The following GUCY1A2 variants were observed in gnomAD, a reference collection of about 807,000 sequenced individuals.
GUCY1A2 encodes the protein guanylate cyclase soluble subunit alpha-2.
In GUCY1A2, 27 loss-of-function variants were observed where a neutral mutation model predicts 63.5. That is an observed-to-expected ratio of 0.43 (90% CI 0.31 to 0.59). The LOEUF (loss-of-function observed/expected upper bound fraction) is 0.59, where lower values mean the gene tolerates loss of function less well. Ranked by LOEUF, GUCY1A2 falls within the 20% of genes least tolerant of loss-of-function variation. The probability of loss-of-function intolerance (pLI) is 0.11; values close to 1 mark genes in which losing one functional copy is unlikely to be tolerated. For synonymous variants in GUCY1A2, 364 were observed against 343.5 expected (o/e 1.06, Z -0.66); for missense variants, 768 against 913.3 (o/e 0.84, Z 2.05).
Position 106,683,073 on chromosome 11 carries a change from T to C in GUCY1A2, c.*4476A>G, listed in dbSNP as rs1862458432. 2 of 218,144 alleles carry C rather than the reference T, an allele frequency of 9.2e-6. No homozygotes were observed. Among genetic ancestry groups the C allele is most frequent in the Non-Finnish European group, 1.8e-5 (2 of 108,536 alleles). 13.5% of individuals were successfully genotyped at this position (218,144 alleles called of 1,614,324 possible). On this transcript the variant is annotated 3_prime_UTR_variant, in exon 8 of 8. Coordinates refer to ENST00000526355, the MANE Select transcript of GUCY1A2 (RefSeq NM_000855.3). ...CACATGAACACAATTTATGTGTATG[T>C]TAAACCAGCTGGTTGTGGTTTAGGA...
chr11:106,716,768 CAAAAAAAAAAAAAAAA>C (rs56999589), intron 6 of GUCY1A2, among the ~76,000 whole-genome samples: 1 of 55,300 alleles, frequency 1.8e-5, no homozygotes, highest in Admixed American at 2.7e-4. Flanking sequence ...GACTCCGTCT[CAAAAAAAAAAAAAAAA>C]AAAAAAAAAA....
intron 6 of GUCY1A2, among the ~76,000 whole-genome samples, chr11:106,730,963 T>C (rs1411224452): frequency 1.3e-5 from 2 of 152,126 alleles, no homozygotes; most frequent in African/African-American, 2.4e-5. Flanking sequence ...TTAATGAAGT[T>C]GTTTGTTTTT....
At chr11:106,849,311 G>C (rs868400061) in intron 4 of GUCY1A2, among the ~76,000 whole-genome samples, 12 of 150,158 alleles carry the variant, frequency 8.0e-5, no homozygotes, top group African/African-American at 2.9e-4. Flanking sequence ...TATAAATTAA[G>C]CTAAATATAT....
chr11:106,873,580 T>C (rs1233089096), intron 4 of GUCY1A2, among the ~76,000 whole-genome samples: 1 of 152,206 alleles, frequency 6.6e-6, no homozygotes, highest in Non-Finnish European at 1.5e-5. Context: ...TTGAGAAGTG[T>C]ATGTTCATAT....
rs1002296704 is a variant in GUCY1A2, at chr11:106,686,556, G to GA, written c.*992dup. 1.2e-4 allele frequency: 26 copies of GA among 217,952 alleles called. No individual in the cohort carries two copies. The highest frequency in any genetic ancestry group is 5.8e-4 in the African/African-American group (26 of 44,648). The allele number at this position is 217,952 out of a possible 1,614,324, so 13.5% of individuals were successfully genotyped here. ...CTCTTAGGAGGCATCAACTGGGGAA[G>GA]AGGAAGGGGGTAACTAACATGTCAT... On this transcript the variant is annotated 3_prime_UTR_variant, in exon 8 of 8. Coordinates refer to ENST00000526355, the MANE Select transcript of GUCY1A2 (RefSeq NM_000855.3).
chr11:106,785,584 T>G (rs1212731525), intron 5 of GUCY1A2, among the ~76,000 whole-genome samples: 1 of 151,612 alleles, frequency 6.6e-6, no homozygotes, highest in Non-Finnish European at 1.5e-5. Flanking sequence ...CCCATAAGAG[T>G]TCTATTAAAT....
intron 4 of GUCY1A2, among the ~76,000 whole-genome samples, chr11:106,812,637 TA>T (rs147941353): frequency 0.018 from 2,734 of 152,074 alleles, 70 homozygotes; most frequent in African/African-American, 0.061. Flanking sequence ...TAATATATAT[TA>T]TTTCCTATAT....
intron 4 of GUCY1A2, among the ~76,000 whole-genome samples, chr11:106,859,269 G>C (rs1859476605): frequency 6.6e-6 from 1 of 151,300 alleles, no homozygotes; most frequent in East Asian, 1.9e-4. Context: ...GTTAAGGCTT[G>C]GTATTTTTGT....
At chr11:106,798,973 T>C (rs1486451179) in intron 5 of GUCY1A2, among the ~76,000 whole-genome samples, 7 of 152,128 alleles carry the variant, frequency 4.6e-5, no homozygotes. Context: ...GGAAGTCAAA[T>C]TGTCTGTTTG....
At chr11:106,941,957 A>G (rs1446577740) in intron 3 of GUCY1A2, among the ~76,000 whole-genome samples, 1 of 152,208 alleles carries the variant, frequency 6.6e-6, no homozygotes, top group Non-Finnish European at 1.5e-5. Context: ...TAAAAATATC[A>G]CCACTCATGT....
At chr11:106,998,980 C>T (rs1861578790) in intron 1 of GUCY1A2, among the ~76,000 whole-genome samples, 1 of 152,100 alleles carries the variant, frequency 6.6e-6, no homozygotes, top group Admixed American at 6.5e-5. Flanking sequence ...ATCCCAGAAG[C>T]ATCACTGCTA....
At chr11:106,797,460 C>G (rs1445705486) in intron 5 of GUCY1A2, among the ~76,000 whole-genome samples, 2 of 152,132 alleles carry the variant, frequency 1.3e-5, no homozygotes, top group African/African-American at 4.8e-5. Context: ...CTCTACACCC[C>G]AAATCAACAA....
chr11:106,763,489 G>A (rs1052055487), intron 6 of GUCY1A2, among the ~76,000 whole-genome samples: 3 of 152,104 alleles, frequency 2.0e-5, no homozygotes, highest in African/African-American at 7.2e-5. Context: ...CTTTTCATAT[G>A]TAAGATGCCA....
rs763071550 is a variant in GUCY1A2 at position 106,939,995 on chromosome 11, G to A, written c.671C>T (p.Ser224Phe). ...TTCAGGGAGCTCTTTGCATAGGAAA[G>A]ATGGTGACTCCAGAGTGGCCTGTTT... ...FGKQATLESP[S>F]FLCKELPEGT... Residue 224 changes from serine (S) to phenylalanine (F), a missense_variant, in exon 4 of 8, where the codon TCT (serine) becomes TTT (phenylalanine). Physicochemically the swap from Ser to Phe is radical, Grantham distance 155. Coordinates refer to ENST00000526355, the MANE Select transcript of GUCY1A2 (RefSeq NM_000855.3). 2 of 1,614,050 alleles carry A rather than the reference G, an allele frequency of 1.2e-6. No individual in the cohort carries two copies. Among genetic ancestry groups the A allele is most frequent in the South Asian group, 2.2e-5 (2 of 91,082 alleles).
intron 3 of GUCY1A2, among the ~76,000 whole-genome samples, chr11:106,949,830 C>T (rs535913716): frequency 6.6e-6 from 1 of 152,180 alleles, no homozygotes; most frequent in Non-Finnish European, 1.5e-5. Context: ...TAAATGAAGA[C>T]CACTATAGTA....
At position 106,950,201 on chromosome 11, in the gene GUCY1A2, C is replaced by G. The variant is rs552435387; in HGVS notation, c.488-10023G>C. 2.6e-5 allele frequency among the ~76,000 whole-genome samples: 4 copies of G among 152,346 alleles called. No homozygotes were observed. In the East Asian group the frequency reaches 7.7e-4, roughly 29 times the overall value. ...TCAGGGAAGCACATGTCTAATCAGG[C>G]AGCCTTCTCAGGCCACTGTGCTATG... On this transcript the variant is annotated intron_variant, in intron 3 of 7. Transcript: ENST00000526355.
chr11:106,861,611 T>C (rs1859513739), intron 4 of GUCY1A2, among the ~76,000 whole-genome samples: 1 of 151,990 alleles, frequency 6.6e-6, no homozygotes, highest in Non-Finnish European at 1.5e-5. Context: ...GGATAATAAA[T>C]ACATCCCTAA....
intron 6 of GUCY1A2, among the ~76,000 whole-genome samples, chr11:106,748,908 A>T (rs1469379376): frequency 6.6e-6 from 1 of 152,096 alleles, no homozygotes; most frequent in African/African-American, 2.4e-5. Flanking sequence ...GTGCACAGCA[A>T]GGGTATTATT....
chr11:106,787,575 A>AGGGG, intron 5 of GUCY1A2, among the ~76,000 whole-genome samples: 1 of 72 alleles, frequency 0.014, no homozygotes, highest in East Asian at 0.25. Flanking sequence ...ACAGAGACAG[A>AGGGG]AGGAAAGAAA....
Sources: gnomAD v4.1 joint callset for allele counts (sites outside exome capture counted in the v4.1 genomes callset) on GRCh38, gnomAD v4.1.1 for gene constraint, MANE v1.5 for transcripts, NCBI Gene and HGNC (gene_info 2026-07-23, HGNC 2026-07-21) for gene names.